DCLK1: variants seen among roughly 807,000 people sequenced by gnomAD.
DCLK1 encodes serine/threonine-protein kinase DCLK1.
In DCLK1, 16 loss-of-function variants were observed where a neutral mutation model predicts 86.2. That is an observed-to-expected ratio of 0.19 (90% confidence interval 0.13 to 0.28). The LOEUF (loss-of-function observed/expected upper bound fraction) is 0.28. DCLK1 is among the 10% of genes least tolerant of loss of function. The pLI, the probability that DCLK1 is intolerant of heterozygous loss-of-function variation, is 1.00. For synonymous variants in DCLK1, 369 were observed against 370.5 expected (o/e 1.00, Z 0.05); for missense variants, 590 against 940.2 (o/e 0.63, Z 4.87).
At chr13:36,011,183 G>A (rs1881246773) in intron 3 of DCLK1, among the ~76,000 whole-genome samples, 1 of 72,426 alleles carries the variant, frequency 1.4e-5, no homozygotes, top group African/African-American at 5.3e-5. Flanking sequence ...ACCAGCTCCT[G>A]GATTCATTGA....
At chr13:35,783,180 T>C (rs2086560539) in intron 16 of DCLK1, among the ~76,000 whole-genome samples, 1 of 152,246 alleles carries the variant, frequency 6.6e-6, no homozygotes, top group Admixed American at 6.5e-5. Context: ...AGCGGTTTAC[T>C]CTAATCAGAG....
At chr13:35,893,857 C>T (rs1593707173) in intron 4 of DCLK1, among the ~76,000 whole-genome samples, 1 of 152,114 alleles carries the variant, frequency 6.6e-6, no homozygotes, top group Non-Finnish European at 1.5e-5. Context: ...AAAATGATTG[C>T]TTATTGGTAG....
At chr13:35,915,172 C>T (rs1352706387) in intron 4 of DCLK1, among the ~76,000 whole-genome samples, 4 of 152,182 alleles carry the variant, frequency 2.6e-5, no homozygotes, top group Non-Finnish European at 5.9e-5. Flanking sequence ...ATCCTTAGAA[C>T]ATATCACTAT....
At chr13:36,065,031 C>T (rs563056023) in intron 3 of DCLK1, among the ~76,000 whole-genome samples, 63 of 152,304 alleles carry the variant, frequency 4.1e-4, no homozygotes, top group East Asian at 2.3e-3. Context: ...TGACTTTAAA[C>T]GGACTGCAGA....
intron 3 of DCLK1, among the ~76,000 whole-genome samples, chr13:35,952,285 C>T (rs1390256673): frequency 8.5e-5 from 13 of 152,116 alleles, no homozygotes; most frequent in African/African-American, 2.9e-4. Flanking sequence ...GTAGCAAACG[C>T]GTGCCTATTC....
At chr13:35,921,723 C>T (rs144931891) in intron 4 of DCLK1, among the ~76,000 whole-genome samples, 9 of 152,190 alleles carry the variant, frequency 5.9e-5, no homozygotes, top group Admixed American at 1.3e-4. Flanking sequence ...GAATGAAGAG[C>T]GCTAAAGAAT....
intron 15 of DCLK1, among the ~76,000 whole-genome samples, chr13:35,804,682 C>G (rs2153101712): frequency 6.6e-6 from 1 of 152,308 alleles, no homozygotes; most frequent in South Asian, 2.1e-4. Flanking sequence ...ATCTGCCGGC[C>G]TCAGCCTCCC....
At chr13:35,848,158 G>A (rs575141228) in intron 6 of DCLK1, 104 of 985,218 alleles carry the variant, frequency 1.1e-4, no homozygotes, top group African/African-American at 9.9e-4. Flanking sequence ...ACAAAACTGC[G>A]TGGCTTTTGC....
chr13:36,031,732 C>G (rs149558954), intron 3 of DCLK1, among the ~76,000 whole-genome samples: 2 of 152,190 alleles, frequency 1.3e-5, no homozygotes, highest in African/African-American at 4.8e-5. Flanking sequence ...AATGGAATAG[C>G]ATGGTCTTCT....
intron 4 of DCLK1, among the ~76,000 whole-genome samples, chr13:35,876,147 T>G (rs1470586269): frequency 6.6e-6 from 1 of 152,130 alleles, no homozygotes; most frequent in Non-Finnish European, 1.5e-5. Flanking sequence ...TATCAAATGT[T>G]TAGTATATCA....
At chr13:35,984,889 G>A (rs912826108) in intron 3 of DCLK1, among the ~76,000 whole-genome samples, 2 of 137,450 alleles carry the variant, frequency 1.5e-5, no homozygotes, top group East Asian at 2.2e-4. Flanking sequence ...TGCCCCCAGC[G>A]TGCGCATGCA....
chr13:35,918,004 C>T (rs931548770), intron 4 of DCLK1, among the ~76,000 whole-genome samples: 1 of 152,158 alleles, frequency 6.6e-6, no homozygotes, highest in Non-Finnish European at 1.5e-5. Flanking sequence ...AGACCATGTC[C>T]AAACCCCACC....
chr13:35,850,580 T>C, intron 6 of DCLK1: 4 of 1,270,598 alleles, frequency 3.1e-6, no homozygotes, highest in Non-Finnish European at 4.0e-6. Context: ...AATGCATACA[T>C]ATTTACTTTT....
intron 15 of DCLK1, among the ~76,000 whole-genome samples, chr13:35,804,341 C>T (rs1279394827): frequency 6.7e-6 from 1 of 148,928 alleles, no homozygotes; most frequent in African/African-American, 2.5e-5. Flanking sequence ...GCCATGTTGG[C>T]CAGGCTGGTC....
chr13:36,126,146 T>C lies in DCLK1; in HGVS notation c.-9A>G. 6.3e-7 allele frequency: 1 copy of C among 1,575,128 alleles called. No individual in the cohort carries two copies. The highest frequency in any genetic ancestry group is 1.3e-5 in the African/African-American group (1 of 74,128). ...TCTCTGCCGAAGGACATGATGGACT[T>C]CAAGTAGGACCTACGAGCCCCAGAA... is the stretch of plus-strand genomic sequence containing the variant. On this transcript the variant is annotated 5_prime_UTR_variant, in exon 2 of 17. Coordinates refer to ENST00000360631, the MANE Select transcript of DCLK1 (RefSeq NM_001330071.2).
At chr13:35,804,759 A>C (rs894851500) in intron 15 of DCLK1, among the ~76,000 whole-genome samples, 7 of 152,154 alleles carry the variant, frequency 4.6e-5, no homozygotes, top group Non-Finnish European at 8.8e-5. Context: ...AATCAAAACA[A>C]ATTTCACCCA....
chr13:35,918,923 C>T (rs1459329073), intron 4 of DCLK1, among the ~76,000 whole-genome samples: 4 of 11,806 alleles, frequency 3.4e-4, no homozygotes, highest in African/African-American at 5.4e-4. Context: ...AACGGAGTCT[C>T]ACTCACTCTG....
intron 3 of DCLK1, among the ~76,000 whole-genome samples, chr13:36,042,532 C>T (rs1240781713): frequency 6.6e-6 from 1 of 152,154 alleles, no homozygotes; most frequent in Non-Finnish European, 1.5e-5. Flanking sequence ...TAAGTCCCAA[C>T]AATTCTCTAA....
intron 3 of DCLK1, among the ~76,000 whole-genome samples, chr13:36,032,267 G>A (rs935818232): frequency 1.2e-4 from 18 of 151,208 alleles, no homozygotes; most frequent in African/African-American, 3.4e-4. Context: ...TCAGCCTCCC[G>A]AGTGGCTGGG....
Sources: gnomAD v4.1 joint callset for allele counts (sites outside exome capture counted in the v4.1 genomes callset) on GRCh38, gnomAD v4.1.1 for gene constraint, MANE v1.5 for transcripts, NCBI Gene and HGNC (gene_info 2026-07-23, HGNC 2026-07-21) for gene names.